Variants in PDLIM5 observed in about 807,000 individuals in gnomAD.
The protein encoded by PDLIM5 is PDZ and LIM domain 5.
PDLIM5 carries 34 observed loss-of-function variants against 64.2 expected under a neutral mutation model. The observed-to-expected ratio is 0.53, with a 90% CI of 0.40 to 0.71. PDLIM5 has a LOEUF of 0.71. Among genes scored for constraint, PDLIM5 ranks in the 30% least tolerant of loss-of-function variants. The probability of loss-of-function intolerance (pLI) is 0.00; values close to 1 mark genes in which losing one functional copy is unlikely to be tolerated. For missense variants in PDLIM5, 683 were observed against 733.6 expected, an observed-to-expected ratio of 0.93 and a Z score of 0.80; for synonymous variants, 253 against 269.1, an observed-to-expected ratio of 0.94 and a Z score of 0.59.
intron 3 of PDLIM5, among the ~76,000 whole-genome samples, chr4:94,535,124 C>G (rs1190459314): frequency 6.6e-6 from 1 of 151,978 alleles, no homozygotes; most frequent in Admixed American, 6.6e-5. Context: ...GGCAGGGAGA[C>G]TAGTCAGGCA....
intron 7 of PDLIM5, among the ~76,000 whole-genome samples, chr4:94,603,686 C>T (rs533787254): frequency 2.2e-4 from 33 of 152,290 alleles, no homozygotes; most frequent in African/African-American, 7.5e-4. Context: ...TATGTGTGTG[C>T]GCACGCGCGC....
chr4:94,531,781 G>C (rs1236949475), intron 3 of PDLIM5, among the ~76,000 whole-genome samples: 1 of 152,084 alleles, frequency 6.6e-6, no homozygotes, highest in Non-Finnish European at 1.5e-5. Context: ...ATGCATAATA[G>C]GGGTCACTCT....
chr4:94,588,072 T>G, intron 7 of PDLIM5: 1 of 910,792 alleles, frequency 1.1e-6, no homozygotes, highest in Non-Finnish European at 1.3e-6. Flanking sequence ...CTAAATTTAG[T>G]AATAAATGCA....
intron 2 of PDLIM5, among the ~76,000 whole-genome samples, chr4:94,482,888 C>T (rs911490211): frequency 2.5e-4 from 38 of 151,772 alleles, no homozygotes; most frequent in African/African-American, 9.0e-4. Context: ...GACCCTGTCA[C>T]TAAAATAAAA....
intron 5 of PDLIM5, among the ~76,000 whole-genome samples, chr4:94,579,727 A>T (rs1735586364): frequency 6.6e-6 from 1 of 152,162 alleles, no homozygotes; most frequent in South Asian, 2.1e-4. Flanking sequence ...AGTAATAAAT[A>T]GTAGTGTTTA....
chr4:94,519,180 G>A (rs1208206516), intron 2 of PDLIM5, among the ~76,000 whole-genome samples: 1 of 152,192 alleles, frequency 6.6e-6, no homozygotes, highest in African/African-American at 2.4e-5. Flanking sequence ...GGAAGTTTAA[G>A]GAAGGAAGTG....
intron 2 of PDLIM5, among the ~76,000 whole-genome samples, chr4:94,473,303 C>T (rs549447505): frequency 6.6e-6 from 1 of 152,110 alleles, no homozygotes; most frequent in South Asian, 2.1e-4. Flanking sequence ...ACTCTGTTGC[C>T]GAGGCTGGAG....
chr4:94,623,876 C>T (rs973012192), intron 8 of PDLIM5, among the ~76,000 whole-genome samples: 1 of 152,178 alleles, frequency 6.6e-6, no homozygotes, highest in African/African-American at 2.4e-5. Context: ...AAGGGAGCTC[C>T]ACTCTTCTTG....
Position 94,657,459 on chromosome 4 carries a change from T to C in PDLIM5, c.1497T>C (p.His499=), listed in dbSNP as rs1475011397. Residue 499 remains histidine (H), a synonymous_variant, in exon 11 of 13, where the codon CAT becomes CAC. Transcript: ENST00000317968. ...EVISALKQTW[H]VSCFVCVACG... ...TCAGTGCGTTGAAACAAACTTGGCA[T>C]GTTTCCTGTTTTGTGTGTGTAGCCT... The C allele has an allele frequency of 6.2e-7, 1 of 1,604,712 alleles. No homozygotes were observed. The highest frequency in any genetic ancestry group is 2.2e-5 in the East Asian group (1 of 44,822).
chr4:94,665,495 AAAAAAAAAAAAGAG>A lies in PDLIM5; in HGVS notation c.*1430_*1443del, dbSNP rs930725632. On this transcript the variant is annotated 3_prime_UTR_variant, in exon 13 of 13. Coordinates refer to ENST00000317968, the MANE Select transcript of PDLIM5 (RefSeq NM_006457.5). ...ACTCCGGCTCTTAAAAAAAAAAAAA[AAAAAAAAAAAAGAG>A]AGAGAGAGAATAAATAGAAAAGAAT... The A allele has an allele frequency of 1.3e-6, 1 of 772,744 alleles. No homozygotes were observed. Among genetic ancestry groups the A allele is most frequent in the Non-Finnish European group, 1.5e-6 (1 of 651,814 alleles). The allele number at this position is 772,744 out of a possible 1,614,324, so 47.9% of individuals were successfully genotyped here.
intron 2 of PDLIM5, among the ~76,000 whole-genome samples, chr4:94,459,568 A>G (rs895228575): frequency 2.0e-5 from 3 of 152,222 alleles, no homozygotes; most frequent in Non-Finnish European, 4.4e-5. Context: ...AGTTATAGTA[A>G]TACTTCCTAG....
At chr4:94,500,344 T>C (rs2110081067) in intron 2 of PDLIM5, among the ~76,000 whole-genome samples, 1 of 152,358 alleles carries the variant, frequency 6.6e-6, no homozygotes, top group Non-Finnish European at 1.5e-5. Context: ...TGAACTTTAT[T>C]AATATTTGTG....
Position 94,503,077 on chromosome 4 carries a change from A to G in PDLIM5, c.97-20647A>G, listed in dbSNP as rs562287556. Among the ~76,000 whole-genome samples the G allele has an allele frequency of 2.0e-5, 3 of 152,162 alleles. No individual in the cohort carries two copies. The South Asian group carries it at 6.2e-4, about 32-fold the overall frequency. Reference sequence around the variant, plus strand: ...TAATTCGTAGACAGACATTTTTGGTAATGATTGTCTTTCTGTTTTCAAGTT... The same window carrying G: ...TAATTCGTAGACAGACATTTTTGGTGATGATTGTCTTTCTGTTTTCAAGTT... On this transcript the variant is annotated intron_variant, in intron 2 of 12. Coordinates refer to ENST00000317968, the MANE Select transcript of PDLIM5 (RefSeq NM_006457.5).
rs115720311 is a variant in PDLIM5, at chr4:94,607,780, T to C, written c.921-10224T>C. On this transcript the variant is annotated intron_variant, in intron 7 of 12. Coordinates refer to ENST00000317968, the MANE Select transcript of PDLIM5 (RefSeq NM_006457.5). Reference sequence around the variant, plus strand: ...TAAAGCATTCAAAACACGTAGTCAGTGAATGGGAATTTCCACCTCCTTTTC... The same window carrying C: ...TAAAGCATTCAAAACACGTAGTCAGCGAATGGGAATTTCCACCTCCTTTTC... Among the ~76,000 whole-genome samples, 1,177 of 152,278 alleles carry C rather than the reference T, an allele frequency of 7.7e-3. 19 individuals are homozygous for C. The highest frequency in any genetic ancestry group is 0.027 in the African/African-American group (1,129 of 41,556).
intron 9 of PDLIM5, among the ~76,000 whole-genome samples, chr4:94,647,759 A>C (rs1273768546): frequency 6.6e-6 from 1 of 152,208 alleles, no homozygotes; most frequent in African/African-American, 2.4e-5. Flanking sequence ...CCATATGTTA[A>C]GTCATAAAAC....
At position 94,530,510 on chromosome 4, in the gene PDLIM5, A is replaced by AATATATAT. The variant is rs36209951; in HGVS notation, c.248+6665_248+6672dup. Among the ~76,000 whole-genome samples the AATATATAT allele has an allele frequency of 6.2e-3, 865 of 140,188 alleles. 7 individuals carry two copies. The highest frequency in any genetic ancestry group is 0.018 in the African/African-American group (630 of 34,890). The allele number at this position is 140,188 out of a possible 152,430, so 92.0% of individuals were successfully genotyped here. On this transcript the variant is annotated intron_variant, in intron 3 of 12. Coordinates refer to ENST00000317968, the MANE Select transcript of PDLIM5 (RefSeq NM_006457.5). ...TAAATTAATCCTCTTGGAATCACAG[A>AATATATAT]ATATATATATATATATATATATATA... is the stretch of plus-strand genomic sequence containing the variant.
At chr4:94,660,930 A>T (rs1188983863) in intron 11 of PDLIM5, among the ~76,000 whole-genome samples, 1 of 151,964 alleles carries the variant, frequency 6.6e-6, no homozygotes, top group African/African-American at 2.4e-5. Flanking sequence ...AAAAAATAAA[A>T]AAAATAGCCA....
intron 7 of PDLIM5, among the ~76,000 whole-genome samples, chr4:94,603,247 A>T (rs1320068958): frequency 6.6e-6 from 1 of 152,172 alleles, no homozygotes; most frequent in Non-Finnish European, 1.5e-5. Context: ...GATTTGATAA[A>T]ATGTGTTTTG....
chr4:94,631,155 A>G (rs188762779), intron 8 of PDLIM5, among the ~76,000 whole-genome samples: 268 of 150,260 alleles, frequency 1.8e-3, no homozygotes, highest in Admixed American at 3.7e-3. Flanking sequence ...CTCCTACCTC[A>G]GTTTCCCAAA....
Sources: gnomAD v4.1 joint callset for allele counts (sites outside exome capture counted in the v4.1 genomes callset) on GRCh38, gnomAD v4.1.1 for gene constraint, MANE v1.5 for transcripts, NCBI Gene and HGNC (gene_info 2026-07-23, HGNC 2026-07-21) for gene names.